OR10A6: variants seen among roughly 807,000 people sequenced by gnomAD.
OR10A6 encodes the protein olfactory receptor family 10 subfamily A member 6 (gene/pseudogene).
Under a neutral mutation model 1.5 loss-of-function variants are expected in OR10A6, and 2 were observed. That is an observed-to-expected ratio of 1.31 (90% CI 0.54 to 4.13). The LOEUF (loss-of-function observed/expected upper bound fraction) is 4.13, where lower values mean the gene tolerates loss of function less well. Among genes scored for constraint, OR10A6 ranks in the 30% most tolerant of loss-of-function variants. The pLI, the probability that OR10A6 is intolerant of heterozygous loss-of-function variation, is 0.07. For missense variants in OR10A6, 492 were observed against 368.6 expected, an observed-to-expected ratio of 1.33 and a Z score of -2.74; for synonymous variants, 169 against 137.3, an observed-to-expected ratio of 1.23 and a Z score of -1.61.
chr11:7,928,097 C>T lies in OR10A6; in HGVS notation c.566G>A (p.Cys189Tyr), dbSNP rs773657641. ...CETPAVLELACADTFLFEIYA... is the reference protein window; with the variant it reads ...CETPAVLELAYADTFLFEIYA... ...GATTTCAAACAAAAACGTGTCTGCA[C>T]ATGCAAGTTCTAACACTGCTGGGGT... is the stretch of plus-strand genomic sequence containing the variant. The change falls in exon 4 of 4, where the codon TGT (cysteine) becomes TAT (tyrosine). Residue 189 changes from cysteine to tyrosine, a missense_variant. Cys to Tyr is a radical substitution (Grantham distance 194). Coordinates refer to ENST00000641238, the MANE Select transcript of OR10A6 (RefSeq NM_001004461.2). 2 of 1,613,926 alleles carry T rather than the reference C, an allele frequency of 1.2e-6. No individual in the cohort carries two copies. The highest frequency in any genetic ancestry group is 2.2e-5 in the East Asian group (1 of 44,872).
At position 7,929,852 on chromosome 11, in the gene OR10A6, T is replaced by G; in HGVS notation, c.-1190A>C. Reference sequence around the variant, plus strand: ...TAGAATATAATATATCCTCTATCCTTTTTTTAAGAAATATGTGTAAAATAT... The same window carrying G: ...TAGAATATAATATATCCTCTATCCTGTTTTTAAGAAATATGTGTAAAATAT... On this transcript the variant is annotated 5_prime_UTR_variant, in exon 4 of 4. Transcript: ENST00000641238. The G allele has an allele frequency of 7.0e-6, 1 of 142,632 alleles. No individual in the cohort carries two copies. The allele number at this position is 142,632 out of a possible 1,614,324, so 8.8% of individuals were successfully genotyped here.
In OR10A6 at chr11:7,927,425, A is replaced by C. The variant is rs114471041; in HGVS notation, c.*293T>G. On this transcript the variant is annotated 3_prime_UTR_variant, in exon 4 of 4. Coordinates refer to ENST00000641238, the MANE Select transcript of OR10A6 (RefSeq NM_001004461.2). ...GCACCAGAATTTATGAATATATAAA[A>C]ACTGGTTGTTTTAGTATTATCTATT... The C allele has an allele frequency of 6.8e-3, 2,010 of 297,532 alleles. 48 individuals carry two copies. The highest frequency in any genetic ancestry group is 0.04 in the African/African-American group (1,866 of 46,476). The allele number at this position is 297,532 out of a possible 1,614,324, so 18.4% of individuals were successfully genotyped here. A position where few individuals can be genotyped will look rare whatever the true frequency, so the allele number is the denominator to read the frequency against.
chr11:7,928,703 A>T lies in OR10A6; in HGVS notation c.-41T>A. The T allele has an allele frequency of 1.4e-6, 2 of 1,412,864 alleles. No homozygotes were observed. Among genetic ancestry groups the T allele is most frequent in the Non-Finnish European group, 1.9e-6 (2 of 1,038,520 alleles). 87.5% of individuals were successfully genotyped at this position (1,412,864 alleles called of 1,614,324 possible). A position where few individuals can be genotyped will look rare whatever the true frequency, so the allele number is the denominator to read the frequency against. On this transcript the variant is annotated 5_prime_UTR_variant, in exon 4 of 4. Coordinates refer to ENST00000641238, the MANE Select transcript of OR10A6 (RefSeq NM_001004461.2). Reference sequence around the variant, plus strand: ...CGTGCATTGATTTTATGGACATAGTATATACAGAATAAAGCCACAGTCCAT... The same window carrying T: ...CGTGCATTGATTTTATGGACATAGTTTATACAGAATAAAGCCACAGTCCAT...
Position 7,928,019 on chromosome 11 carries a change from A to C in OR10A6, c.644T>G (p.Leu215Arg), listed in dbSNP as rs1238455795. ...AAACAGAACTCGAATGTAAGACAAG[A>C]GTATCAACAAGAAAGGAACCAAAAT... ...LIILVPFLLI[L>R]LSYIRVLFAI... The change falls in exon 4 of 4, where the codon CTC becomes CGC. Residue 215 changes from leucine (L) to arginine (R), a missense_variant. Physicochemically the swap from Leu to Arg is moderately radical, Grantham distance 102. Transcript: ENST00000641238. 6.2e-7 allele frequency: 1 copy of C among 1,613,912 alleles called. No homozygotes were observed. The highest frequency in any genetic ancestry group is 1.1e-5 in the South Asian group (1 of 91,086).
chr11:7,929,755 T>TATATATATATATATATACAC lies in OR10A6; in HGVS notation c.-1094_-1093insGTGTATATATATATATATAT, dbSNP rs55811645. ...ATATATATATATATATATATATATA[T>TATATATATATATATATACAC]ACACACACATGCACACATATATATA... is the stretch of plus-strand genomic sequence containing the variant. On this transcript the variant is annotated 5_prime_UTR_variant, in exon 4 of 4. It removes the in-frame stop codon of an upstream open reading frame in the 5' UTR. Coordinates refer to ENST00000641238, the MANE Select transcript of OR10A6 (RefSeq NM_001004461.2). 1.6e-3 allele frequency: 157 copies of TATATATATATATATATACAC among 97,108 alleles called. No individual in the cohort carries two copies. Among genetic ancestry groups the TATATATATATATATATACAC allele is most frequent in the Non-Finnish European group, 2.4e-3 (106 of 44,832 alleles). 6.0% of individuals were successfully genotyped at this position (97,108 alleles called of 1,614,324 possible). A position where few individuals can be genotyped will look rare whatever the true frequency, so the allele number is the denominator to read the frequency against.
Position 7,926,666 on chromosome 11 carries a change from T to G in OR10A6, c.*1052A>C, listed in dbSNP as rs1407339986. 2 of 152,178 alleles carry G rather than the reference T, an allele frequency of 1.3e-5. No individual in the cohort carries two copies. The highest frequency in any genetic ancestry group is 2.9e-5 in the Non-Finnish European group (2 of 68,028). 9.4% of individuals were successfully genotyped at this position (152,178 alleles called of 1,614,324 possible). ...AAGGGTGTTGTCAACTCCTTTGATA[T>G]AGATTTAATGAGAAGAACCCTTTCT... On this transcript the variant is annotated 3_prime_UTR_variant, in exon 4 of 4. Transcript: ENST00000641238.
rs1339002367 is a variant in OR10A6 at position 7,929,996 on chromosome 11, A to ATATATATATATATATG, written c.-1335_-1334insCATATATATATATATA. 3 of 80,102 alleles carry ATATATATATATATATG rather than the reference A, an allele frequency of 3.7e-5. No individual in the cohort carries two copies. Among genetic ancestry groups the ATATATATATATATATG allele is most frequent in the Non-Finnish European group, 5.9e-5 (2 of 34,066 alleles). The allele number at this position is 80,102 out of a possible 1,614,324, so 5.0% of individuals were successfully genotyped here. ...TATATATATATATATATATATATAAAATCCCTCACTAGAGCTTAGCTCCCA... is the reference window on the plus strand; with the variant it reads ...TATATATATATATATATATATATAAATATATATATATATATGATCCCTCACTAGAGCTTAGCTCCCA... On this transcript the variant is annotated 5_prime_UTR_variant, in exon 4 of 4. Coordinates refer to ENST00000641238, the MANE Select transcript of OR10A6 (RefSeq NM_001004461.2).
Position 7,925,447 on chromosome 11 carries a change from G to T in OR10A6, c.*2271C>A, listed in dbSNP as rs980528148. On this transcript the variant is annotated 3_prime_UTR_variant, in exon 4 of 4. Transcript: ENST00000641238. ...CAATCCAGGCTTTATTTATCACAAA[G>T]GCAATGAAAGAGGAAAGCGTCAAAT... 1.3e-5 allele frequency: 2 copies of T among 152,052 alleles called. No homozygotes were observed. The highest frequency in any genetic ancestry group is 2.9e-5 in the Non-Finnish European group (2 of 68,014). 9.4% of individuals were successfully genotyped at this position (152,052 alleles called of 1,614,324 possible).
rs1859410434 is a variant in OR10A6 at position 7,926,798 on chromosome 11, G to A, written c.*920C>T. Reference sequence around the variant, plus strand: ...TATATATAACTAGAAAGACTATTATGTGATTATTTTATGTTGGAAAGATGC... The same window carrying A: ...TATATATAACTAGAAAGACTATTATATGATTATTTTATGTTGGAAAGATGC... On this transcript the variant is annotated 3_prime_UTR_variant, in exon 4 of 4. Coordinates refer to ENST00000641238, the MANE Select transcript of OR10A6 (RefSeq NM_001004461.2). 6.6e-6 allele frequency: 1 copy of A among 152,098 alleles called. No homozygotes were observed. Among genetic ancestry groups the A allele is most frequent in the South Asian group, 2.1e-4 (1 of 4,828 alleles). 9.4% of individuals were successfully genotyped at this position (152,098 alleles called of 1,614,324 possible). A position where few individuals can be genotyped will look rare whatever the true frequency, so the allele number is the denominator to read the frequency against.
rs1289108102 is a variant in OR10A6, at chr11:7,929,966, G to GTGTATATATATATATA, written c.-1305_-1304insTATATATATATATACA. ...TCTAGTAAGGTATGTGTATGTGTAT[G>GTGTATATATATATATA]TATATATATATATATATATATATAT... is the stretch of plus-strand genomic sequence containing the variant. On this transcript the variant is annotated 5_prime_UTR_variant, in exon 4 of 4. Coordinates refer to ENST00000641238, the MANE Select transcript of OR10A6 (RefSeq NM_001004461.2). The GTGTATATATATATATA allele has an allele frequency of 8.6e-3, 494 of 57,168 alleles. 32 individuals carry two copies. Among genetic ancestry groups the GTGTATATATATATATA allele is most frequent in the African/African-American group, 0.033 (464 of 14,184 alleles). The allele number at this position is 57,168 out of a possible 1,614,324, so 3.5% of individuals were successfully genotyped here.
chr11:7,930,538 A>G (rs1859515952), intron 3 of OR10A6, 23 bp from the exon 4 acceptor site: 1 of 152,178 alleles, frequency 6.6e-6, no homozygotes, highest in South Asian at 2.1e-4. Flanking sequence ...AGCAGACAGG[A>G]GAAGACAAGT....
rs1859520639 is a variant in OR10A6, at chr11:7,930,850, G to A, written c.-1854+11C>T. ...GGTGTCTTGGATAGATCACTGACAAGTAATACTTACGCAGATCACTTCCTC... is the reference window on the plus strand; with the variant it reads ...GGTGTCTTGGATAGATCACTGACAAATAATACTTACGCAGATCACTTCCTC... On this transcript the variant is annotated intron_variant, in intron 3 of 3. Transcript: ENST00000641238. The A allele has an allele frequency of 6.6e-6, 1 of 152,152 alleles. No individual in the cohort carries two copies. The highest frequency in any genetic ancestry group is 2.1e-4 in the South Asian group (1 of 4,828). 9.4% of individuals were successfully genotyped at this position (152,152 alleles called of 1,614,324 possible). A position where few individuals can be genotyped will look rare whatever the true frequency, so the allele number is the denominator to read the frequency against.
At position 7,928,244 on chromosome 11, in the gene OR10A6, A is replaced by C. The variant is rs7933807; in HGVS notation, c.419T>G (p.Val140Gly). The change falls in exon 4 of 4, where the codon GTT becomes GGT. Residue 140 changes from valine (V) to glycine (G), a missense_variant. Physicochemically the swap from Val to Gly is moderately radical, Grantham distance 109. Coordinates refer to ENST00000641238, the MANE Select transcript of OR10A6 (RefSeq NM_001004461.2). ...TGAAAATATAATTAATTTCATAAAA[A>C]CTCCTTTATTCATAATCATTTGGTA... ...LNYQMIMNKGVFMKLIIFSWA... is the reference protein window; with the variant it reads ...LNYQMIMNKGGFMKLIIFSWA... 0.41 allele frequency: 654,643 copies of C among 1,611,160 alleles called. 134,535 individuals are homozygous for C. The highest frequency in any genetic ancestry group is 0.53 in the East Asian group (23,847 of 44,818).
chr11:7,928,545 TCAGGGTCAC>T lies in OR10A6; in HGVS notation c.109_117del (p.Val37_Leu39del). The T allele has an allele frequency of 6.2e-7, 1 of 1,613,780 alleles. No individual in the cohort carries two copies. Among genetic ancestry groups the T allele is most frequent in the Non-Finnish European group, 8.5e-7 (1 of 1,179,774 alleles). ...ATGACTATAATAATGGCATTTCCTA[TCAGGGTCAC>T]CAGATAAATAACCAGGAAAGCCACA... On this transcript the variant is annotated inframe_deletion, in exon 4 of 4. Transcript: ENST00000641238.
chr11:7,928,236 T>G lies in OR10A6; in HGVS notation c.427A>C (p.Lys143Gln), dbSNP rs765143934. Residue 143 changes from lysine (K) to glutamine (Q), a missense_variant, in exon 4 of 4, where the codon AAA (lysine) becomes CAA (glutamine). By Grantham distance (53) the Lys-to-Gln change is moderately conservative. Transcript: ENST00000641238. ...QMIMNKGVFM[K>Q]LIIFSWALGF... ...AAGGCCCATGAAAATATAATTAATT[T>G]CATAAAAACTCCTTTATTCATAATC... 1 of 1,611,578 alleles carries G rather than the reference T, an allele frequency of 6.2e-7. No homozygotes were observed. The highest frequency in any genetic ancestry group is 1.3e-5 in the African/African-American group (1 of 74,654).
At position 7,929,995 on chromosome 11, in the gene OR10A6, A is replaced by C. The variant is rs11601947; in HGVS notation, c.-1333T>G. 1.2e-3 allele frequency: 77 copies of C among 63,136 alleles called. 2 individuals are homozygous for C. Among genetic ancestry groups the C allele is most frequent in the African/African-American group, 4.7e-3 (74 of 15,882 alleles). 3.9% of individuals were successfully genotyped at this position (63,136 alleles called of 1,614,324 possible). On this transcript the variant is annotated 5_prime_UTR_variant, in exon 4 of 4. Coordinates refer to ENST00000641238, the MANE Select transcript of OR10A6 (RefSeq NM_001004461.2). ...ATATATATATATATATATATATATA[A>C]AATCCCTCACTAGAGCTTAGCTCCC...
chr11:7,928,297 T>A lies in OR10A6; in HGVS notation c.366A>T (p.Arg122=). The change falls in exon 4 of 4, where the codon CGA becomes CGT. Residue 122 remains arginine (R), a synonymous_variant. Coordinates refer to ENST00000641238, the MANE Select transcript of OR10A6 (RefSeq NM_001004461.2). ...CFLLGAMAYD[R]FAAICHPLNY... is the part of the protein sequence containing the mutation. ...TGAGAGGATGGCAAATTGCAGCAAA[T>A]CGGTCATAAGCCATTGCTCCCAGAA... The A allele has an allele frequency of 6.2e-7, 1 of 1,613,814 alleles. No homozygotes were observed. Among genetic ancestry groups the A allele is most frequent in the Non-Finnish European group, 8.5e-7 (1 of 1,179,864 alleles).
rs10839933 is a variant in OR10A6 at position 7,924,728 on chromosome 11, C to T, written c.*2990G>A. 65,575 of 151,868 alleles carry T rather than the reference C, an allele frequency of 0.43. 14,309 individuals are homozygous for T. Among genetic ancestry groups the T allele is most frequent in the Middle Eastern group, 0.52 (153 of 294 alleles). The allele number at this position is 151,868 out of a possible 1,614,324, so 9.4% of individuals were successfully genotyped here. Reference sequence around the variant, plus strand: ...ATAAGGTCACTACGCAATGCCGTCACAGACCCAGGGGCCCTCTAGCTTTCC... The same window carrying T: ...ATAAGGTCACTACGCAATGCCGTCATAGACCCAGGGGCCCTCTAGCTTTCC... On this transcript the variant is annotated 3_prime_UTR_variant, in exon 4 of 4. Transcript: ENST00000641238.
Position 7,928,541 on chromosome 11 carries a change from C to T in OR10A6, c.122G>A (p.Gly41Glu), listed in dbSNP as rs775367089. The change falls in exon 4 of 4, where the codon GGA becomes GAA. Residue 41 changes from glycine to glutamate, a missense_variant. Physicochemically the swap from Gly to Glu is moderately conservative, Grantham distance 98. Coordinates refer to ENST00000641238, the MANE Select transcript of OR10A6 (RefSeq NM_001004461.2). ...FLVIYLVTLIGNAIIIVIVSL... is the reference protein window; with the variant it reads ...FLVIYLVTLIENAIIIVIVSL... ...GACGATGACTATAATAATGGCATTTCCTATCAGGGTCACCAGATAAATAAC... is the reference window on the plus strand; with the variant it reads ...GACGATGACTATAATAATGGCATTTTCTATCAGGGTCACCAGATAAATAAC... The T allele has an allele frequency of 5.3e-5, 86 of 1,613,300 alleles. No homozygotes were observed. In the Middle Eastern group the frequency reaches 6.6e-4, roughly 12 times the overall value.
Sources: gnomAD v4.1 joint callset for allele counts on GRCh38, gnomAD v4.1.1 for gene constraint, MANE v1.5 for transcripts, NCBI Gene and HGNC (gene_info 2026-07-23, HGNC 2026-07-21) for gene names.